The following CACNA2D4 variants were observed in gnomAD, a reference collection of about 807,000 sequenced individuals.
CACNA2D4 encodes calcium voltage-gated channel auxiliary subunit alpha2delta 4.
A neutral mutation model predicts 163.8 loss-of-function variants in CACNA2D4; 157 were observed. The ratio of observed to expected loss-of-function variants is 0.96; its 90% CI spans 0.84 to 1.09. The LOEUF (loss-of-function observed/expected upper bound fraction) is 1.09, where lower values mean the gene tolerates loss of function less well. Among genes scored for constraint, CACNA2D4 ranks in the 50% least tolerant of loss-of-function variants. The pLI is 0.00. For missense variants in CACNA2D4, 1,410 were observed against 1,479.9 expected, an observed-to-expected ratio of 0.95 and a Z score of 0.78; for synonymous variants, 598 against 586.9, an observed-to-expected ratio of 1.02 and a Z score of -0.27.
intron 18 of CACNA2D4, 66 bp from the exon 19 acceptor site, chr12:1,860,272 C>T: frequency 8.0e-7 from 1 of 1,252,252 alleles, no homozygotes; most frequent in Non-Finnish European, 1.2e-6. Context: ...CCACCTCGCC[C>T]CCAGGGCTCT....
At chr12:1,868,672 G>T (rs2154448960) in intron 18 of CACNA2D4, among the ~76,000 whole-genome samples, 1 of 152,036 alleles carries the variant, frequency 6.6e-6, no homozygotes, top group East Asian at 1.9e-4. Context: ...GAGATGATGG[G>T]TATGCTAATT....
At chr12:1,809,093 C>T (rs985558407) in intron 29 of CACNA2D4, among the ~76,000 whole-genome samples, 6 of 152,204 alleles carry the variant, frequency 3.9e-5, no homozygotes, top group Non-Finnish European at 5.9e-5. Context: ...AAACACTACC[C>T]CAAGGAGTTA....
chr12:1,914,438 G>T (rs1866910633), intron 2 of CACNA2D4, among the ~76,000 whole-genome samples: 2 of 152,152 alleles, frequency 1.3e-5, no homozygotes, highest in Non-Finnish European at 1.5e-5. Context: ...TCCCTGCGCA[G>T]AGGCCACAGC....
At chr12:1,882,482 G>C (rs1288909135) in intron 13 of CACNA2D4, among the ~76,000 whole-genome samples, 1 of 136,890 alleles carries the variant, frequency 7.3e-6, no homozygotes, top group Non-Finnish European at 1.5e-5. Flanking sequence ...AAGGGAGAAC[G>C]TGTTCCAGCT....
At chr12:1,868,394 A>C (rs1284522159) in intron 18 of CACNA2D4, among the ~76,000 whole-genome samples, 1 of 152,094 alleles carries the variant, frequency 6.6e-6, no homozygotes, top group Non-Finnish European at 1.5e-5. Flanking sequence ...TATATGTGGA[A>C]TCTAAAATAA....
At chr12:1,858,687 T>C (rs112675242) in intron 19 of CACNA2D4, 43 bp from the exon 20 acceptor site, 17,530 of 1,510,570 alleles carry the variant, frequency 0.012, 154 homozygotes, top group Non-Finnish European at 0.013. Flanking sequence ...CAGCAGCAGA[T>C]GCCGGCCTGT....
chr12:1,825,333 C>G (rs1483966963), intron 26 of CACNA2D4, among the ~76,000 whole-genome samples: 2 of 152,190 alleles, frequency 1.3e-5, no homozygotes, highest in African/African-American at 2.4e-5. Flanking sequence ...GAGGGCTTCT[C>G]CACTACCTAT....
Position 1,885,067 on chromosome 12 carries a change from G to A in CACNA2D4, c.1078C>T (p.Leu360=), listed in dbSNP as rs2154449762. 1.2e-6 allele frequency: 2 copies of A among 1,613,598 alleles called. No individual in the cohort carries two copies. Among genetic ancestry groups the A allele is most frequent in the Non-Finnish European group, 1.7e-6 (2 of 1,179,540 alleles). The change falls in exon 10 of 38, where the codon CTG becomes TTG. Residue 360 remains leucine (L), a synonymous_variant. Coordinates refer to ENST00000382722, the MANE Select transcript of CACNA2D4 (RefSeq NM_172364.5). ...ADRDNREHFK[L]LVEELMVKGV... is the part of the protein sequence containing the mutation. ...TTGACCATCAACTCCTCCACCAGCA[G>A]TTTGAAATGCTGCCATGGGTGAGAT...
chr12:1,797,123 G>C (rs1294784826), intron 35 of CACNA2D4, among the ~76,000 whole-genome samples: 1 of 152,224 alleles, frequency 6.6e-6, no homozygotes, highest in African/African-American at 2.4e-5. Context: ...TCACGGCTGC[G>C]GCCTCGGCGG....
chr12:1,862,795 A>C (rs1484972357), intron 18 of CACNA2D4, among the ~76,000 whole-genome samples: 1 of 152,210 alleles, frequency 6.6e-6, no homozygotes, highest in Non-Finnish European at 1.5e-5. Context: ...GTGTCTGCTC[A>C]GTGCTCTGAG....
chr12:1,918,555 C>G lies in CACNA2D4; in HGVS notation c.-82G>C. On this transcript the variant is annotated 5_prime_UTR_variant, in exon 1 of 38. Transcript: ENST00000382722. ...GCCTTGGCGAGCCTGGGGTCTCCAG[C>G]CTCTCAGTCCTGGGTGGGGAGGGCT... 14 of 1,067,258 alleles carry G rather than the reference C, an allele frequency of 1.3e-5. No homozygotes were observed. The highest frequency in any genetic ancestry group is 1.9e-5 in the Non-Finnish European group (14 of 728,798). The allele number at this position is 1,067,258 out of a possible 1,614,324, so 66.1% of individuals were successfully genotyped here.
At chr12:1,805,752 C>G (rs1042526514) in intron 29 of CACNA2D4, among the ~76,000 whole-genome samples, 4 of 152,192 alleles carry the variant, frequency 2.6e-5, no homozygotes, top group Non-Finnish European at 4.4e-5. Context: ...ATTTGGGACG[C>G]CAGGAAGGTA....
chr12:1,845,648 G>T (rs1275311114), intron 24 of CACNA2D4, among the ~76,000 whole-genome samples: 1 of 152,130 alleles, frequency 6.6e-6, no homozygotes, highest in East Asian at 1.9e-4. Flanking sequence ...GAGTCTCCTG[G>T]GTTGCGAAGC....
chr12:1,811,543 C>T (rs958222124), intron 27 of CACNA2D4, 119 bp downstream of exon 27: 31 of 1,035,778 alleles, frequency 3.0e-5, no homozygotes, highest in East Asian at 2.9e-4. Flanking sequence ...GTGTAGGGGC[C>T]GGGAGGGCAT....
rs1863085798 is a variant in CACNA2D4, at chr12:1,795,378, T to C, written c.3230A>G (p.Asn1077Ser). ...VLQEATEVKY[N>S]ASVKCDRMRS... ...CATCCGGTCACATTTGACAGAGGCA[T>C]TATGTGCAGAAGCCACTGTTAAGGT... The change falls in exon 37 of 38, where the codon AAT becomes AGT. Residue 1077 changes from asparagine (N) to serine (S), a missense_variant. Asn to Ser is a conservative substitution (Grantham distance 46). Coordinates refer to ENST00000382722, the MANE Select transcript of CACNA2D4 (RefSeq NM_172364.5). 3.7e-6 allele frequency: 6 copies of C among 1,610,224 alleles called. No individual in the cohort carries two copies. Among genetic ancestry groups the C allele is most frequent in the Non-Finnish European group, 5.1e-6 (6 of 1,179,620 alleles).
chr12:1,795,422 G>A (rs548670621), intron 36 of CACNA2D4, 41 bp from the exon 37 acceptor site: 5 of 1,563,828 alleles, frequency 3.2e-6, no homozygotes, highest in Middle Eastern at 1.7e-4. Context: ...CAGGACCGGA[G>A]CCCATTCTGC....
At chr12:1,847,910 G>A (rs1343601009) in intron 23 of CACNA2D4, among the ~76,000 whole-genome samples, 1 of 152,108 alleles carries the variant, frequency 6.6e-6, no homozygotes, top group Non-Finnish European at 1.5e-5. Flanking sequence ...AAAAAAACCT[G>A]ACAATTCATT....
chr12:1,839,483 G>A (rs546679115), intron 26 of CACNA2D4, among the ~76,000 whole-genome samples: 1 of 152,354 alleles, frequency 6.6e-6, no homozygotes, highest in East Asian at 1.9e-4. Flanking sequence ...ATGGCAAACC[G>A]CAGCACAGGG....
intron 14 of CACNA2D4, 84 bp from the exon 15 acceptor site, chr12:1,879,120 T>C (rs1379488591): frequency 1.8e-6 from 2 of 1,097,210 alleles, no homozygotes; most frequent in Non-Finnish European, 2.8e-6. Context: ...GTCCAGAGCC[T>C]GGAAGAGGAA....
Sources: allele counts gnomAD v4.1 joint callset (sites outside exome capture counted in the v4.1 genomes callset), GRCh38; gene constraint gnomAD v4.1.1; transcripts MANE v1.5; gene names NCBI Gene and HGNC (gene_info 2026-07-23, HGNC 2026-07-21).